The following TNC variants were observed in gnomAD, a reference collection of about 807,000 sequenced individuals.
TNC encodes the protein tenascin.
TNC carries 109 observed loss-of-function variants against 202.4 expected under a neutral mutation model. The ratio of observed to expected loss-of-function variants is 0.54; its 90% confidence interval spans 0.46 to 0.63. The LOEUF (loss-of-function observed/expected upper bound fraction) is 0.63, where lower values mean the gene tolerates loss of function less well. TNC is among the 30% of genes least tolerant of loss of function. TNC has a pLI of 0.00. For missense variants in TNC, 2,756 were observed against 2,833.3 expected, an observed-to-expected ratio of 0.97 and a Z score of 0.62; for synonymous variants, 1,007 against 1,089.7, an observed-to-expected ratio of 0.92 and a Z score of 1.50.
chr9:115,048,126 G>A (rs867029942), intron 16 of TNC, 134 bp downstream of exon 16: 11 of 1,132,254 alleles, frequency 9.7e-6, no homozygotes, highest in Middle Eastern at 3.1e-4. Context: ...TGGGGAGAAG[G>A]TGAAACAGTA....
chr9:115,048,122 G>A, intron 16 of TNC, 138 bp downstream of exon 16: 1 of 1,065,296 alleles, frequency 9.4e-7, no homozygotes, highest in South Asian at 1.5e-5. Context: ...AGTGTGGGGA[G>A]AAGGTGAAAC....
chr9:115,073,145 G>A (rs1235386383), intron 10 of TNC, among the ~76,000 whole-genome samples: 1 of 151,598 alleles, frequency 6.6e-6, no homozygotes, highest in African/African-American at 2.4e-5. Context: ...CAAAAGACCT[G>A]GAATAAAAAC....
rs748795514 is a variant in TNC at position 115,048,267 on chromosome 9, A to C, written c.4845T>G (p.Ile1615Met). Residue 1615 changes from isoleucine (I) to methionine (M), a missense_variant, in exon 16 of 28, where the codon ATT (isoleucine) becomes ATG (methionine). Transcript: ENST00000350763. Reference protein sequence around the residue: ...GHQTKPLRAEIVTEAEPEVDN... With the variant: ...GHQTKPLRAEMVTEAEPEVDN... ...TCACTTGATTTGAAATACCTGTAAC[A>C]ATCTCAGCCCTCAAGGGCTTGGTTT... is the stretch of plus-strand genomic sequence containing the variant. 2.5e-6 allele frequency: 4 copies of C among 1,613,396 alleles called. No homozygotes were observed. In the Admixed American group the frequency reaches 6.7e-5, roughly 27 times the overall value.
rs1390123022 is a variant in TNC, at chr9:115,086,510, C to T, written c.1221G>A (p.Lys407=). Reference sequence around the variant, plus strand: ...CATGGCCACTGCAGCCATTGGGACACTTGAGCTCCCCACAGTCAGCTCCAG... The same window carrying T: ...CATGGCCACTGCAGCCATTGGGACATTTGAGCTCCCCACAGTCAGCTCCAG... ...GFTGADCGEL[K]CPNGCSGHGR... The change falls in exon 3 of 28, where the codon AAG becomes AAA. Residue 407 remains lysine (K), a synonymous_variant. Coordinates refer to ENST00000350763, the MANE Select transcript of TNC (RefSeq NM_002160.4). The T allele has an allele frequency of 4.3e-6, 7 of 1,613,728 alleles. No homozygotes were observed. The highest frequency in any genetic ancestry group is 1.7e-5 in the Admixed American group (1 of 59,990).
rs757331581 is a variant in TNC at position 115,086,910 on chromosome 9, A to T, written c.821T>A (p.Phe274Tyr). 5 of 1,613,540 alleles carry T rather than the reference A, an allele frequency of 3.1e-6. No homozygotes were observed. The highest frequency in any genetic ancestry group is 4.2e-6 in the Non-Finnish European group (5 of 1,179,944). Reference sequence around the variant, plus strand: ...AGGCTTGTTGCAGTCATCGCCTGCAAAGCCATCGTGGCACACACACAAGCC... The same window carrying T: ...AGGCTTGTTGCAGTCATCGCCTGCATAGCCATCGTGGCACACACACAAGCC... Reference protein sequence around the residue: ...VDGLCVCHDGFAGDDCNKPLC... With the variant: ...VDGLCVCHDGYAGDDCNKPLC... The change falls in exon 3 of 28, where the codon TTT becomes TAT. Residue 274 changes from phenylalanine to tyrosine, a missense_variant. This residue lies in a region of TNC where 2,559 missense variants were observed against 2,546.0 expected (regional missense o/e 1.01). Coordinates refer to ENST00000350763, the MANE Select transcript of TNC (RefSeq NM_002160.4).
At chr9:115,032,395 C>A (rs569839747) in intron 22 of TNC, among the ~76,000 whole-genome samples, 1 of 152,054 alleles carries the variant, frequency 6.6e-6, no homozygotes, top group South Asian at 2.1e-4. Context: ...AAATGGGGAG[C>A]CTTGAAAGAT....
At chr9:115,050,337 C>T (rs1473836892) in intron 15 of TNC, among the ~76,000 whole-genome samples, 1 of 152,090 alleles carries the variant, frequency 6.6e-6, no homozygotes, top group African/African-American at 2.4e-5. Context: ...ATCTAGGATT[C>T]CCAAGACTGG....
intron 1 of TNC, among the ~76,000 whole-genome samples, chr9:115,097,866 A>G (rs1383190227): frequency 1.3e-5 from 2 of 152,236 alleles, no homozygotes; most frequent in Non-Finnish European, 2.9e-5. Flanking sequence ...GGCAGAAGCC[A>G]TATTGGGAAG....
chr9:115,070,058 G>A (rs1469314052), intron 10 of TNC, among the ~76,000 whole-genome samples: 8 of 151,936 alleles, frequency 5.3e-5, no homozygotes, highest in African/African-American at 1.9e-4. Context: ...CTGCCTTCAG[G>A]GCACTGGGAT....
At position 115,077,958 on chromosome 9, in the gene TNC, C is replaced by G; in HGVS notation, c.2659G>C (p.Glu887Gln). Residue 887 changes from glutamate to glutamine, a missense_variant, in exon 7 of 28, where the codon GAG (glutamate) becomes CAG (glutamine). Coordinates refer to ENST00000350763, the MANE Select transcript of TNC (RefSeq NM_002160.4). ...RGDMSSNPAK[E>Q]TFTTGLDAPR... ...GGCCTTTTACCTGTTGTGAAGGTCT[C>G]TTTGGCTGGGTTGCTTGACATGTCA... 2 of 1,614,126 alleles carry G rather than the reference C, an allele frequency of 1.2e-6. No individual in the cohort carries two copies. Among genetic ancestry groups the G allele is most frequent in the South Asian group, 2.2e-5 (2 of 91,080 alleles).
chr9:115,041,768 T>C (rs1830775356), intron 18 of TNC, among the ~76,000 whole-genome samples: 1 of 152,238 alleles, frequency 6.6e-6, no homozygotes, highest in African/African-American at 2.4e-5. Flanking sequence ...GTCTCTATTA[T>C]AGCCCATGCG....
At chr9:115,021,733 CA>C (rs1391578469) in intron 27 of TNC, among the ~76,000 whole-genome samples, 1 of 152,144 alleles carries the variant, frequency 6.6e-6, no homozygotes, top group Non-Finnish European at 1.5e-5. Flanking sequence ...AACAGCTCAA[CA>C]AAACACAGTT....
chr9:115,072,744 C>T (rs946891121), intron 10 of TNC, among the ~76,000 whole-genome samples: 3 of 152,152 alleles, frequency 2.0e-5, no homozygotes, highest in African/African-American at 7.2e-5. Flanking sequence ...ACAATGTATG[C>T]AGTAGGTACT....
At position 115,087,279 on chromosome 9, in the gene TNC, A is replaced by G. The variant is rs1299976679; in HGVS notation, c.458-6T>C. 6.2e-7 allele frequency: 1 copy of G among 1,609,350 alleles called. No individual in the cohort carries two copies. The highest frequency in any genetic ancestry group is 1.7e-5 in the Admixed American group (1 of 59,924). On this transcript the variant is annotated splice_polypyrimidine_tract_variant and splice_region_variant and intron_variant, in intron 2 of 27. Coordinates refer to ENST00000350763, the MANE Select transcript of TNC (RefSeq NM_002160.4). ...GGGCCTGGTGTCCAAGCGGCCTGCA[A>G]CAAAAGAAACAGAAGTTCTCAGCCA...
At position 115,035,225 on chromosome 9, in the gene TNC, T is replaced by C; in HGVS notation, c.5766A>G (p.Glu1922=). ...ASVTGYLLVY[E]SVDGTVKEVI... ...ATACCTTGACTGTGCCATCCACTGATTCATAGACCAGCAGGTAACCGGTGA... is the reference window on the plus strand; with the variant it reads ...ATACCTTGACTGTGCCATCCACTGACTCATAGACCAGCAGGTAACCGGTGA... Residue 1922 remains glutamate (E), a synonymous_variant, in exon 22 of 28, where the codon GAA becomes GAG. Coordinates refer to ENST00000350763, the MANE Select transcript of TNC (RefSeq NM_002160.4). 6.2e-7 allele frequency: 1 copy of C among 1,612,998 alleles called. No individual in the cohort carries two copies. The highest frequency in any genetic ancestry group is 8.5e-7 in the Non-Finnish European group (1 of 1,179,550).
chr9:115,036,383 A>ATACGGCGACCACCGAGAT, intron 20 of TNC, 142 bp from the exon 21 acceptor site: 100 of 892,316 alleles, frequency 1.1e-4, no homozygotes, highest in South Asian at 3.2e-4. Context: ...TTCTGAAATG[A>ATACGGCGACCACCGAGAT]CTCACGCTCT....
chr9:115,098,176 A>G (rs576086600), intron 1 of TNC, among the ~76,000 whole-genome samples: 1 of 152,304 alleles, frequency 6.6e-6, no homozygotes, highest in South Asian at 2.1e-4. Flanking sequence ...GTTAAATGTT[A>G]TCAGTGTTGA....
At chr9:115,035,369 T>C (rs1262182014) in intron 21 of TNC, 35 bp from the exon 22 acceptor site, 1 of 1,584,706 alleles carries the variant, frequency 6.3e-7, no homozygotes, top group Non-Finnish European at 8.6e-7. Flanking sequence ...TCGGATAAGA[T>C]CAGCAAATGT....
chr9:115,089,120 A>G (rs1835017924), intron 2 of TNC, among the ~76,000 whole-genome samples: 1 of 152,174 alleles, frequency 6.6e-6, no homozygotes, highest in South Asian at 2.1e-4. Context: ...TTTTCCAGGG[A>G]GTTGACAGAA....
Sources: gnomAD v4.1 joint callset for allele counts (sites outside exome capture counted in the v4.1 genomes callset) on GRCh38, gnomAD v4.1.1 for gene constraint, gnomAD v4.1.1 regional missense constraint, MANE v1.5 for transcripts, NCBI Gene and HGNC (gene_info 2026-07-23, HGNC 2026-07-21) for gene names.